The following SCHIP1 variants were observed in gnomAD, a reference collection of about 807,000 sequenced individuals.
The protein encoded by SCHIP1 is schwannomin-interacting protein 1.
In SCHIP1, 8 loss-of-function variants were observed where a neutral mutation model predicts 29.7. That is an observed-to-expected ratio of 0.27 (90% confidence interval 0.16 to 0.49). The LOEUF is 0.49. Ranked by LOEUF, SCHIP1 falls within the 20% of genes least tolerant of loss-of-function variation. The pLI, the probability that SCHIP1 is intolerant of heterozygous loss-of-function variation, is 0.99. For missense variants in SCHIP1, 193 were observed against 294.6 expected (o/e 0.66, Z 2.52); for synonymous variants, 76 against 94.9 (o/e 0.80, Z 1.16).
chr3:159,539,783 A>G, the SCHIP1 span, among the ~76,000 whole-genome samples: 1 of 128,386 alleles, frequency 7.8e-6, no homozygotes, highest in Non-Finnish European at 1.8e-5. Flanking sequence ...TAAAACAAAC[A>G]TGCACACTAT....
chr3:159,737,257 T>C, the SCHIP1 span, among the ~76,000 whole-genome samples: 4 of 152,144 alleles, frequency 2.6e-5, no homozygotes, highest in East Asian at 7.7e-4. Flanking sequence ...CTTGCCCCTC[T>C]GATGCAGTGG....
chr3:159,515,487 T>C, the SCHIP1 span, among the ~76,000 whole-genome samples: 1 of 152,240 alleles, frequency 6.6e-6, no homozygotes, highest in Admixed American at 6.5e-5. Context: ...GCCAAATTAT[T>C]TAATTTCTTG....
the SCHIP1 span, among the ~76,000 whole-genome samples, chr3:159,813,758 CTG>C: frequency 1.3e-5 from 2 of 152,110 alleles, no homozygotes; most frequent in African/African-American, 4.8e-5. Context: ...TCCTCTATAT[CTG>C]TATTGATTAT....
the SCHIP1 span, among the ~76,000 whole-genome samples, chr3:159,539,735 T>C: frequency 1.5e-5 from 2 of 135,886 alleles, no homozygotes; most frequent in African/African-American, 2.5e-5. Context: ...TTGTACATTA[T>C]TTTCTCCTCT....
At chr3:159,797,338 C>T in the SCHIP1 span, among the ~76,000 whole-genome samples, 165 of 152,284 alleles carry the variant, frequency 1.1e-3, 1 homozygote, top group African/African-American at 3.4e-3. Flanking sequence ...TCAGATTCTT[C>T]CTCTAAAGGA....
chr3:159,697,694 G>A, the SCHIP1 span, among the ~76,000 whole-genome samples: 4 of 152,086 alleles, frequency 2.6e-5, no homozygotes, highest in Non-Finnish European at 5.9e-5. Flanking sequence ...ATCAACAATT[G>A]AGAAGTAACA....
At chr3:159,719,345 A>G in the SCHIP1 span, among the ~76,000 whole-genome samples, 1 of 152,202 alleles carries the variant, frequency 6.6e-6, no homozygotes, top group Non-Finnish European at 1.5e-5. Context: ...TATCTAAAAC[A>G]CCAAAAGCAA....
At chr3:159,586,403 A>T in the SCHIP1 span, among the ~76,000 whole-genome samples, 39 of 152,318 alleles carry the variant, frequency 2.6e-4, no homozygotes, top group African/African-American at 8.7e-4. Flanking sequence ...GCAAATTTTT[A>T]AAAACGCTAT....
chr3:159,317,845 C>A, the SCHIP1 span, among the ~76,000 whole-genome samples: 1 of 152,108 alleles, frequency 6.6e-6, no homozygotes, highest in Non-Finnish European at 1.5e-5. Context: ...GATAGGCAAT[C>A]CCATATCTGG....
At chr3:159,721,855 C>A in the SCHIP1 span, 1 of 408,582 alleles carries the variant, frequency 2.4e-6, no homozygotes, top group Non-Finnish European at 4.8e-6. Context: ...CTGAGGTCCA[C>A]CTTGGGGATG....
the SCHIP1 span, among the ~76,000 whole-genome samples, chr3:159,668,376 C>CAAAAAAAA: frequency 1.9e-4 from 9 of 46,414 alleles, no homozygotes; most frequent in South Asian, 7.0e-4. Context: ...GACTCCGTCT[C>CAAAAAAAA]AAAAAAAAAA....
chr3:159,589,838 G>A, the SCHIP1 span, among the ~76,000 whole-genome samples: 3 of 145,722 alleles, frequency 2.1e-5, no homozygotes, highest in Non-Finnish European at 4.4e-5. Flanking sequence ...GTTAGTGCTA[G>A]CCCAAATATC....
the SCHIP1 span, among the ~76,000 whole-genome samples, chr3:159,769,085 A>G: frequency 6.6e-6 from 1 of 152,200 alleles, no homozygotes; most frequent in African/African-American, 2.4e-5. Flanking sequence ...TCCTGCTTGC[A>G]GAAGTTCATG....
chr3:159,715,663 T>C, the SCHIP1 span, among the ~76,000 whole-genome samples: 1 of 151,862 alleles, frequency 6.6e-6, no homozygotes, highest in Admixed American at 6.6e-5. Context: ...TGATTGAAGA[T>C]CAAATAAATG....
At chr3:159,357,292 A>G in the SCHIP1 span, among the ~76,000 whole-genome samples, 1 of 152,234 alleles carries the variant, frequency 6.6e-6, no homozygotes, top group Non-Finnish European at 1.5e-5. Flanking sequence ...CATATATGCA[A>G]ATATGGAGAC....
intron 6 of SCHIP1, among the ~76,000 whole-genome samples, chr3:159,895,169 A>G (rs1717939101): frequency 6.6e-6 from 1 of 152,204 alleles, no homozygotes; most frequent in African/African-American, 2.4e-5. Flanking sequence ...ATGGTCTGCT[A>G]AAGGGGACAG....
chr3:159,464,674 G>A, the SCHIP1 span, among the ~76,000 whole-genome samples: 64 of 152,172 alleles, frequency 4.2e-4, 1 homozygote, highest in South Asian at 0.012. Context: ...CCAGGGCCAC[G>A]TTAACACCAT....
chr3:159,666,736 A>C, the SCHIP1 span, among the ~76,000 whole-genome samples: 1 of 152,146 alleles, frequency 6.6e-6, no homozygotes. Context: ...TAAGAGCATA[A>C]CTCCTTTTCC....
At chr3:159,582,136 T>G in the SCHIP1 span, among the ~76,000 whole-genome samples, 1 of 151,944 alleles carries the variant, frequency 6.6e-6, no homozygotes, top group East Asian at 1.9e-4. Context: ...TTTTTTTATG[T>G]TGTTGGTTTT....
Sources: gnomAD v4.1 joint callset for allele counts (sites outside exome capture counted in the v4.1 genomes callset) on GRCh38, gnomAD v4.1.1 for gene constraint, MANE v1.5 for transcripts, NCBI Gene and HGNC (gene_info 2026-07-23, HGNC 2026-07-21) for gene names.